The following DCBLD2 variants were observed in gnomAD, a reference collection of about 807,000 sequenced individuals.
DCBLD2 encodes the protein discoidin, CUB and LCCL domain containing 2.
DCBLD2 carries 54 observed loss-of-function variants against 86.8 expected under a neutral mutation model. The observed-to-expected ratio is 0.62, with a 90% CI of 0.50 to 0.78. The LOEUF is 0.78. DCBLD2 is among the 30% of genes least tolerant of loss of function. The pLI is 0.00. For synonymous variants in DCBLD2, 354 were observed against 341.3 expected, an observed-to-expected ratio of 1.04 and a Z score of -0.41; for missense variants, 908 against 954.2, an observed-to-expected ratio of 0.95 and a Z score of 0.64.
rs1204614720 is a variant in DCBLD2, at chr3:98,825,290, AAAAAAGTCACAAAT to A, written c.623+11_623+24del. On this transcript the variant is annotated intron_variant, in intron 4 of 15. Coordinates refer to ENST00000326840, the MANE Select transcript of DCBLD2 (RefSeq NM_080927.4). Reference sequence around the variant, plus strand: ...AAGTAACATTTAAGCAAAAAAAAAAAAAAAAGTCACAAATATAATCATACCTGAACTCAGGTTCC... The same window carrying A: ...AAGTAACATTTAAGCAAAAAAAAAAAATAATCATACCTGAACTCAGGTTCC... 5 of 1,501,304 alleles carry A rather than the reference AAAAAAGTCACAAAT, an allele frequency of 3.3e-6. No homozygotes were observed. The highest frequency in any genetic ancestry group is 1.8e-4 in the Middle Eastern group (1 of 5,458). 93.0% of individuals were successfully genotyped at this position (1,501,304 alleles called of 1,614,324 possible). A position where few individuals can be genotyped will look rare whatever the true frequency, so the allele number is the denominator to read the frequency against.
At chr3:98,893,111 T>C (rs1365523530) in intron 1 of DCBLD2, among the ~76,000 whole-genome samples, 2 of 152,082 alleles carry the variant, frequency 1.3e-5, no homozygotes, top group Non-Finnish European at 2.9e-5. Flanking sequence ...AAGTGAGTCT[T>C]AGTGGAACGG....
At chr3:98,808,323 G>A in intron 12 of DCBLD2, 149 bp from the exon 13 acceptor site, 1 of 633,212 alleles carries the variant, frequency 1.6e-6, no homozygotes, top group East Asian at 3.1e-5. Context: ...TGGGCATGTG[G>A]TGGTAACTGT....
chr3:98,805,111 C>G (rs977398290), intron 13 of DCBLD2: 6 of 152,204 alleles, frequency 3.9e-5, no homozygotes, highest in Non-Finnish European at 5.9e-5. Flanking sequence ...ATAAAAAGCC[C>G]AAGCCATGTG....
Position 98,822,881 on chromosome 3 carries a change from C to CT in DCBLD2, c.624-141dup, listed in dbSNP as rs1017083423. ...CACTACCCTCAAAGACCCACCACTTCTTTTTTTTGACACGGAGTTTCACTC... is the reference window on the plus strand; with the variant it reads ...CACTACCCTCAAAGACCCACCACTTCTTTTTTTTTGACACGGAGTTTCACTC... On this transcript the variant is annotated intron_variant, in intron 4 of 15. Coordinates refer to ENST00000326840, the MANE Select transcript of DCBLD2 (RefSeq NM_080927.4). 180 of 674,396 alleles carry CT rather than the reference C, an allele frequency of 2.7e-4. 1 individual carries two copies. Among genetic ancestry groups the CT allele is most frequent in the Admixed American group, 1.4e-3 (41 of 28,766 alleles). 41.8% of individuals were successfully genotyped at this position (674,396 alleles called of 1,614,324 possible). A position where few individuals can be genotyped will look rare whatever the true frequency, so the allele number is the denominator to read the frequency against.
intron 1 of DCBLD2, among the ~76,000 whole-genome samples, chr3:98,886,365 T>C (rs966969665): frequency 6.6e-6 from 1 of 152,000 alleles, no homozygotes; most frequent in Non-Finnish European, 1.5e-5. Context: ...GGAAGAATAA[T>C]GATCTGTGAC....
At chr3:98,866,335 A>G (rs1943145419) in intron 2 of DCBLD2, among the ~76,000 whole-genome samples, 1 of 152,152 alleles carries the variant, frequency 6.6e-6, no homozygotes, top group Non-Finnish European at 1.5e-5. Flanking sequence ...AACAGTGTAA[A>G]AGTGTTCCTA....
chr3:98,886,160 T>C (rs1018471501), intron 1 of DCBLD2, among the ~76,000 whole-genome samples: 15 of 151,960 alleles, frequency 9.9e-5, no homozygotes, highest in African/African-American at 3.6e-4. Context: ...AGTTTTATGT[T>C]CCGACTTTCC....
intron 2 of DCBLD2, among the ~76,000 whole-genome samples, chr3:98,861,309 CA>C (rs143183521): frequency 0.43 from 64,987 of 151,824 alleles, 14,058 homozygotes; most frequent in Non-Finnish European, 0.45. Context: ...CAGCATTAGA[CA>C]GATCAATGAG....
chr3:98,822,023 G>C (rs976928364), intron 6 of DCBLD2: 3 of 654,288 alleles, frequency 4.6e-6, no homozygotes, highest in Non-Finnish European at 8.3e-6. Flanking sequence ...TCCAGCCTGG[G>C]CAATGAGAGC....
chr3:98,800,580 T>C lies in DCBLD2; in HGVS notation c.1857A>G (p.Ala619=). 1.2e-6 allele frequency: 2 copies of C among 1,612,770 alleles called. No homozygotes were observed. Among genetic ancestry groups the C allele is most frequent in the Non-Finnish European group, 1.7e-6 (2 of 1,179,232 alleles). Reference sequence around the variant, plus strand: ...ACCAGAAGGCTGCAACATAGTTACCTGCAGAGTCAGCCTGCAGCACTGTGG... The same window carrying C: ...ACCAGAAGGCTGCAACATAGTTACCCGCAGAGTCAGCCTGCAGCACTGTGG... ...EVTTVLQADS[A]EYAQPLVGGI... Residue 619 remains alanine (A), a splice_region_variant and synonymous_variant, in exon 15 of 16, where the codon GCA becomes GCG. Coordinates refer to ENST00000326840, the MANE Select transcript of DCBLD2 (RefSeq NM_080927.4).
At chr3:98,869,079 C>T (rs1246111068) in intron 2 of DCBLD2, among the ~76,000 whole-genome samples, 2 of 152,176 alleles carry the variant, frequency 1.3e-5, no homozygotes, top group African/African-American at 4.8e-5. Context: ...TACATTCTCA[C>T]CAACAGTGTA....
rs575985093 is a variant in DCBLD2 at position 98,867,881 on chromosome 3, C to A, written c.433+13659G>T. ...GCAGTGGCACAATCTTGGTTCACTG[C>A]AAGCTCCGCCTCCCAGGTTCATGCC... On this transcript the variant is annotated intron_variant, in intron 2 of 15. Coordinates refer to ENST00000326840, the MANE Select transcript of DCBLD2 (RefSeq NM_080927.4). Among the ~76,000 whole-genome samples, 7 of 151,924 alleles carry A rather than the reference C, an allele frequency of 4.6e-5. No individual in the cohort carries two copies. The South Asian group carries it at 1.5e-3, about 32-fold the overall frequency.
At position 98,799,466 on chromosome 3, in the gene DCBLD2, G is replaced by A. The variant is rs377651609; in HGVS notation, c.2234C>T (p.Pro745Leu). ...PKAGKPGLPA[P>L]DELVYQVPQS... ...TGGCACCTGGTACACCAATTCGTCT[G>A]GGGCAGGTAGACCTGGCTTCCCAGC... Residue 745 changes from proline to leucine, a missense_variant, in exon 16 of 16, where the codon CCA becomes CTA. Transcript: ENST00000326840. 6.2e-7 allele frequency: 1 copy of A among 1,614,002 alleles called. No individual in the cohort carries two copies. The highest frequency in any genetic ancestry group is 8.5e-7 in the Non-Finnish European group (1 of 1,179,886).
chr3:98,847,923 C>A (rs575932989), intron 3 of DCBLD2, among the ~76,000 whole-genome samples: 1 of 152,278 alleles, frequency 6.6e-6, no homozygotes, highest in East Asian at 1.9e-4. Context: ...GCAGGTCTTG[C>A]ATTTTATCTT....
intron 3 of DCBLD2, among the ~76,000 whole-genome samples, chr3:98,828,813 G>A (rs1292133513): frequency 6.6e-6 from 1 of 152,170 alleles, no homozygotes; most frequent in South Asian, 2.1e-4. Flanking sequence ...TACATACAAT[G>A]GAATATTATT....
At chr3:98,833,066 G>A (rs1444282841) in intron 3 of DCBLD2, among the ~76,000 whole-genome samples, 1 of 152,198 alleles carries the variant, frequency 6.6e-6, no homozygotes, top group African/African-American at 2.4e-5. Context: ...AGGGATATCA[G>A]TGATTTGCAG....
At chr3:98,886,721 A>C (rs1040996467) in intron 1 of DCBLD2, among the ~76,000 whole-genome samples, 1 of 151,850 alleles carries the variant, frequency 6.6e-6, no homozygotes, top group African/African-American at 2.4e-5. Context: ...TTACTCATAG[A>C]ACATGTGTTC....
chr3:98,802,292 T>A (rs1941737357), intron 13 of DCBLD2, among the ~76,000 whole-genome samples: 1 of 152,234 alleles, frequency 6.6e-6, no homozygotes, highest in South Asian at 2.1e-4. Flanking sequence ...TGATTTGCAT[T>A]TCTCTGATGG....
chr3:98,881,857 C>T (rs568180911), intron 1 of DCBLD2, 90 bp from the exon 2 acceptor site: 75 of 1,253,184 alleles, frequency 6.0e-5, no homozygotes, highest in South Asian at 8.9e-5. Context: ...AAAATATGCA[C>T]GACATCAAAT....
Sources: allele counts gnomAD v4.1 joint callset (sites outside exome capture counted in the v4.1 genomes callset), GRCh38; gene constraint gnomAD v4.1.1; transcripts MANE v1.5; gene names NCBI Gene and HGNC (gene_info 2026-07-23, HGNC 2026-07-21).